EYS: variants seen among roughly 807,000 people sequenced by gnomAD.
EYS encodes the protein protein eyes shut homolog.
Under a neutral mutation model 282.1 loss-of-function variants are expected in EYS, and 250 were observed. The observed-to-expected ratio is 0.89, with a 90% CI of 0.80 to 0.98. The LOEUF (loss-of-function observed/expected upper bound fraction) is 0.98, where lower values mean the gene tolerates loss of function less well. Among genes scored for constraint, EYS ranks in the 50% least tolerant of loss-of-function variants. The pLI is 0.00. For synonymous variants in EYS, 1,355 were observed against 1,282.9 expected (o/e 1.06, Z -1.20); for missense variants, 4,016 against 3,709.0 (o/e 1.08, Z -2.15).
At chr6:64,758,483 A>T (rs1773050192) in intron 22 of EYS, among the ~76,000 whole-genome samples, 1 of 152,158 alleles carries the variant, frequency 6.6e-6, no homozygotes, top group Non-Finnish European at 1.5e-5. Flanking sequence ...TACAAAGGAA[A>T]GAGTTTACGA....
intron 26 of EYS, among the ~76,000 whole-genome samples, chr6:64,560,932 A>C (rs554249089): frequency 7.4e-4 from 112 of 152,274 alleles, no homozygotes; most frequent in African/African-American, 2.6e-3. Context: ...CATTGATGCA[A>C]GTATCCTTAA....
At position 65,144,444 on chromosome 6, in the gene EYS, C is replaced by T. The variant is rs144287722; in HGVS notation, c.2024-86717G>A. ...AACTTGAAGGATATGGTTATATTACCTTTGAATGGAAAAATTTAAAGAGAG... is the reference window on the plus strand; with the variant it reads ...AACTTGAAGGATATGGTTATATTACTTTTGAATGGAAAAATTTAAAGAGAG... On this transcript the variant is annotated intron_variant, in intron 12 of 42. Coordinates refer to ENST00000503581, the MANE Select transcript of EYS (RefSeq NM_001142800.2). Among the ~76,000 whole-genome samples the T allele has an allele frequency of 2.6e-3, 393 of 152,080 alleles. 1 individual carries two copies. Among genetic ancestry groups the T allele is most frequent in the African/African-American group, 8.7e-3 (362 of 41,518 alleles).
chr6:64,902,424 T>G lies in EYS; in HGVS notation c.2718A>C (p.Glu906Asp), dbSNP rs1432938356. The G allele has an allele frequency of 6.5e-7, 1 of 1,536,756 alleles. No homozygotes were observed. The highest frequency in any genetic ancestry group is 1.4e-5 in the African/African-American group (1 of 71,932). ...TGTACCTGAAATTGTTGACCATATC[T>G]TCACAGTCACCATAATCCTGGCAGG... ...FLSCQDYGDC[E>D]DMVNNFRCIC... Residue 906 changes from glutamate to aspartate, a missense_variant, in exon 17 of 43, where the codon GAA becomes GAC. Transcript: ENST00000503581.
intron 35 of EYS, among the ~76,000 whole-genome samples, chr6:63,897,445 A>T (rs1407704120): frequency 6.6e-6 from 1 of 152,172 alleles, no homozygotes; most frequent in African/African-American, 2.4e-5. Context: ...AGACTGAAGA[A>T]GAGATAGCAA....
intron 8 of EYS, among the ~76,000 whole-genome samples, chr6:65,354,485 A>C (rs919590288): frequency 6.6e-6 from 1 of 152,030 alleles, no homozygotes. Flanking sequence ...TAATTGCACA[A>C]CAACCTTAAA....
At chr6:64,097,222 C>G (rs1772655800) in intron 31 of EYS, among the ~76,000 whole-genome samples, 1 of 152,224 alleles carries the variant, frequency 6.6e-6, no homozygotes, top group Admixed American at 6.5e-5. Context: ...AGGAGGCAGT[C>G]TGTTCCGTTC....
At chr6:64,294,178 A>C (rs1474970982) in intron 30 of EYS, among the ~76,000 whole-genome samples, 2 of 152,194 alleles carry the variant, frequency 1.3e-5, no homozygotes, top group Admixed American at 6.5e-5. Flanking sequence ...CAAACATAAA[A>C]CCAAATAACA....
At chr6:65,092,518 T>G (rs1410051503) in intron 12 of EYS, among the ~76,000 whole-genome samples, 12 of 152,198 alleles carry the variant, frequency 7.9e-5, no homozygotes, top group Non-Finnish European at 1.3e-4. Context: ...ATAACAATCA[T>G]CTTACTGCCA....
rs182043905 is a variant in EYS, at chr6:64,183,345, A to G, written c.6424+47247T>C. Among the ~76,000 whole-genome samples, 14 of 152,214 alleles carry G rather than the reference A, an allele frequency of 9.2e-5. No individual in the cohort carries two copies. The East Asian group carries it at 1.4e-3, about 15-fold the overall frequency. On this transcript the variant is annotated intron_variant, in intron 31 of 42. Transcript: ENST00000503581. The stretch of plus-strand genomic sequence containing the variant: ...GATCCTCCAGCTAGATTAGTGCCCT[A>G]CTCATGTGTGTGCCCTTCTCTATCA...
intron 26 of EYS, among the ~76,000 whole-genome samples, chr6:64,451,487 G>A (rs1393128290): frequency 5.3e-5 from 8 of 152,096 alleles, no homozygotes; most frequent in Non-Finnish European, 1.2e-4. Flanking sequence ...GAAAAAGAGG[G>A]AATCCTCCCT....
chr6:64,504,667 A>C (rs140534817), intron 26 of EYS, among the ~76,000 whole-genome samples: 70 of 152,326 alleles, frequency 4.6e-4, no homozygotes, highest in African/African-American at 1.6e-3. Context: ...AAGGTGTTTC[A>C]TCATAAGTAA....
chr6:63,899,226 A>C (rs1039841662), intron 35 of EYS, among the ~76,000 whole-genome samples: 2 of 152,218 alleles, frequency 1.3e-5, no homozygotes. Flanking sequence ...CATACTGCCT[A>C]TTAATGTACT....
chr6:63,827,697 AGCCG>A (rs1415816404), intron 36 of EYS, among the ~76,000 whole-genome samples: 1 of 151,786 alleles, frequency 6.6e-6, no homozygotes, highest in African/African-American at 2.4e-5. Context: ...ACAAAAAATT[AGCCG>A]GGCGCTGTGG....
intron 5 of EYS, among the ~76,000 whole-genome samples, chr6:65,431,963 T>C (rs1767905128): frequency 6.6e-6 from 1 of 152,114 alleles, no homozygotes; most frequent in Non-Finnish European, 1.5e-5. Flanking sequence ...GTTGTTATTG[T>C]ACATTTTAAA....
chr6:65,183,451 C>G (rs1420809868), intron 12 of EYS, among the ~76,000 whole-genome samples: 2 of 151,664 alleles, frequency 1.3e-5, no homozygotes, highest in Non-Finnish European at 2.9e-5. Context: ...TCTAAAGGAT[C>G]TTCTTTAAAT....
intron 33 of EYS, among the ~76,000 whole-genome samples, chr6:64,056,808 A>C (rs1377163317): frequency 6.6e-6 from 1 of 152,194 alleles, no homozygotes; most frequent in Non-Finnish European, 1.5e-5. Flanking sequence ...AGATCAGCAG[A>C]TGCCACTGGG....
chr6:64,505,109 G>A (rs568168363), intron 26 of EYS, among the ~76,000 whole-genome samples: 1 of 152,294 alleles, frequency 6.6e-6, no homozygotes, highest in South Asian at 2.1e-4. Flanking sequence ...TTATGAGGCT[G>A]CAAGAGTCTA....
At chr6:64,636,137 T>C (rs1266972017) in intron 22 of EYS, among the ~76,000 whole-genome samples, 1 of 152,088 alleles carries the variant, frequency 6.6e-6, no homozygotes, top group African/African-American at 2.4e-5. Context: ...ACCAAGTCAA[T>C]CCTAAGCCAA....
At chr6:65,573,806 CA>C (rs61328716) in intron 2 of EYS, among the ~76,000 whole-genome samples, 71,442 of 151,884 alleles carry the variant, frequency 0.47, 16,892 homozygotes, top group African/African-American at 0.53. Context: ...AACCTGCACA[CA>C]CCTGCATTCC....
Sources: allele counts gnomAD v4.1 joint callset (sites outside exome capture counted in the v4.1 genomes callset), GRCh38; gene constraint gnomAD v4.1.1; transcripts MANE v1.5; gene names NCBI Gene and HGNC (gene_info 2026-07-23, HGNC 2026-07-21).